SHROOM2: variants seen among roughly 807,000 people sequenced by gnomAD.
SHROOM2 encodes the protein protein Shroom2.
In SHROOM2, 33 loss-of-function variants were observed where a neutral mutation model predicts 75.9. The ratio of observed to expected loss-of-function variants is 0.43; its 90% confidence interval spans 0.33 to 0.58. The LOEUF is 0.58. Ranked by LOEUF, SHROOM2 falls within the 20% of genes least tolerant of loss-of-function variation. SHROOM2 has a pLI of 0.04. For synonymous variants in SHROOM2, 655 were observed against 663.6 expected (o/e 0.99, Z 0.20); for missense variants, 1,434 against 1,461.2 (o/e 0.98, Z 0.30).
chrX:9,874,009 A>G (rs755211227), intron 2 of SHROOM2, among the ~76,000 whole-genome samples: 41 of 112,375 alleles, frequency 3.6e-4, no homozygotes, highest in African/African-American at 1.1e-3. Flanking sequence ...TATAAATTTT[A>G]ATGTATTAAG....
At chrX:9,903,492 G>T (rs1441662810) in intron 5 of SHROOM2, among the ~76,000 whole-genome samples, 1 of 112,205 alleles carries the variant, frequency 8.9e-6, no homozygotes, top group Non-Finnish European at 1.9e-5. Flanking sequence ...ATAAACGGTA[G>T]CTGTAGGAGA....
chrX:9,797,788 G>A (rs755791148), intron 1 of SHROOM2, among the ~76,000 whole-genome samples: 3 of 111,883 alleles, frequency 2.7e-5, no homozygotes, highest in Non-Finnish European at 5.6e-5. Flanking sequence ...AGTCCTAGGT[G>A]GGGCTGGCCG....
In SHROOM2 at chrX:9,946,760, C is replaced by T. The variant is rs1410025367; in HGVS notation, c.4674C>T (p.Ile1558=). 5.0e-6 allele frequency: 6 copies of T among 1,203,823 alleles called. No individual in the cohort carries two copies. The African/African-American group carries it at 5.2e-5, about 10-fold the overall frequency. ...LKENLDRRER[I]VFDILANYLS... is the part of the protein sequence containing the mutation. ...AGAACCTGGACCGCCGCGAGCGCATCGTCTTTGACATTTTGGCCAACTATC... is the reference window on the plus strand; with the variant it reads ...AGAACCTGGACCGCCGCGAGCGCATTGTCTTTGACATTTTGGCCAACTATC... The change falls in exon 10 of 10, where the codon ATC becomes ATT. Residue 1558 remains isoleucine, a synonymous_variant. Transcript: ENST00000380913.
rs868096452 is a variant in SHROOM2, at chrX:9,895,676, C to G, written c.1768C>G (p.Leu590Val). The G allele has an allele frequency of 8.5e-7, 1 of 1,177,074 alleles. No homozygotes were observed. Among genetic ancestry groups the G allele is most frequent in the South Asian group, 1.9e-5 (1 of 53,874 alleles). The change falls in exon 4 of 10, where the codon CTG becomes GTG. Residue 590 changes from leucine (L) to valine (V), a missense_variant. Coordinates refer to ENST00000380913, the MANE Select transcript of SHROOM2 (RefSeq NM_001649.4). Reference protein sequence around the residue: ...CPQETPLLHSLTQEGKRRPES... With the variant: ...CPQETPLLHSVTQEGKRRPES... Reference sequence around the variant, plus strand: ...GCAGGAGACGCCCCTGTTGCACTCCCTGACCCAGGAGGGGAAGCGCCGGCC... The same window carrying G: ...GCAGGAGACGCCCCTGTTGCACTCCGTGACCCAGGAGGGGAAGCGCCGGCC...
In SHROOM2 at chrX:9,895,949, A is replaced by G. The variant is rs1340310616; in HGVS notation, c.2041A>G (p.Lys681Glu). The change falls in exon 4 of 10, where the codon AAA becomes GAA. Residue 681 changes from lysine (K) to glutamate (E), a missense_variant. This residue lies in a region of SHROOM2 where 1,340 missense variants were observed against 1,338.3 expected (regional missense o/e 1.00). Transcript: ENST00000380913. Reference sequence around the variant, plus strand: ...GGAAGGACCCCTCGCTGGCACCTATAAAGACCACCTGAAAGAGGCCCAAGC... The same window carrying G: ...GGAAGGACCCCTCGCTGGCACCTATGAAGACCACCTGAAAGAGGCCCAAGC... ...TQEGPLAGTY[K>E]DHLKEAQARV... is the part of the protein sequence containing the mutation. The G allele has an allele frequency of 2.5e-6, 3 of 1,197,627 alleles. No homozygotes were observed. In the Admixed American group the frequency reaches 6.8e-5, roughly 27 times the overall value.
chrX:9,804,587 G>C (rs1029312217), intron 1 of SHROOM2, among the ~76,000 whole-genome samples: 2 of 111,534 alleles, frequency 1.8e-5, no homozygotes, highest in Non-Finnish European at 3.8e-5. Flanking sequence ...CTCTGGAAAC[G>C]TGCCATCTGA....
chrX:9,936,100 C>CTT (rs199560073), intron 6 of SHROOM2, among the ~76,000 whole-genome samples: 15 of 108,940 alleles, frequency 1.4e-4, no homozygotes, highest in African/African-American at 5.2e-4. Flanking sequence ...CATCCAGAAA[C>CTT]TTTTCTTTTT....
At chrX:9,847,502 TA>T (rs1360202137) in intron 1 of SHROOM2, among the ~76,000 whole-genome samples, 5 of 111,784 alleles carry the variant, frequency 4.5e-5, no homozygotes, top group Non-Finnish European at 9.4e-5. Flanking sequence ...GACATAGTGT[TA>T]GGGGGATGTC....
intron 2 of SHROOM2, among the ~76,000 whole-genome samples, chrX:9,879,668 G>A (rs954867322): frequency 1.8e-5 from 2 of 112,652 alleles, no homozygotes; most frequent in African/African-American, 6.5e-5. Flanking sequence ...GCCTTAGTGT[G>A]TGGTTTAGCT....
intron 2 of SHROOM2, among the ~76,000 whole-genome samples, chrX:9,875,080 CAAAAAAAAAAAAAAAAA>C (rs375824306): frequency 4.9e-4 from 6 of 12,338 alleles, no homozygotes; most frequent in African/African-American, 1.2e-3. Flanking sequence ...GACCCTGTCT[CAAAAAAAAAAAAAAAAA>C]AAAAAAAAAA....
chrX:9,854,183 A>G (rs1368365674), intron 1 of SHROOM2, among the ~76,000 whole-genome samples: 2 of 112,978 alleles, frequency 1.8e-5, no homozygotes, highest in African/African-American at 6.4e-5. Context: ...GATTTAAGTT[A>G]GAGATTCTGC....
intron 5 of SHROOM2, among the ~76,000 whole-genome samples, chrX:9,921,267 C>T (rs947777724): frequency 5.4e-5 from 6 of 111,977 alleles, no homozygotes; most frequent in Admixed American, 1.9e-4. Flanking sequence ...AGTCACACAT[C>T]GGCACTTCTG....
At chrX:9,805,665 G>A (rs2083747335) in intron 1 of SHROOM2, among the ~76,000 whole-genome samples, 1 of 112,092 alleles carries the variant, frequency 8.9e-6, no homozygotes, top group South Asian at 3.7e-4. Context: ...TGATACTGGA[G>A]TTGGGTCTTC....
chrX:9,885,503 C>T (rs898397342), intron 2 of SHROOM2, among the ~76,000 whole-genome samples: 39 of 110,982 alleles, frequency 3.5e-4, no homozygotes, highest in Non-Finnish European at 1.3e-4. Context: ...CGGCTTGATC[C>T]CCAAATACAT....
At chrX:9,808,952 A>G (rs905612306) in intron 1 of SHROOM2, among the ~76,000 whole-genome samples, 9 of 110,513 alleles carry the variant, frequency 8.1e-5, no homozygotes, top group Non-Finnish European at 1.5e-4. Context: ...TTTTTTCTGT[A>G]TATTCACTGA....
intron 1 of SHROOM2, among the ~76,000 whole-genome samples, chrX:9,852,726 G>T (rs757133469): frequency 2.7e-5 from 3 of 112,948 alleles, no homozygotes; most frequent in Non-Finnish European, 5.6e-5. Flanking sequence ...CAATAAAAAT[G>T]ATGATTGTAA....
At chrX:9,883,242 CTT>C (rs1349552869) in intron 2 of SHROOM2, among the ~76,000 whole-genome samples, 1 of 112,265 alleles carries the variant, frequency 8.9e-6, no homozygotes, top group Non-Finnish European at 1.9e-5. Flanking sequence ...CCAGGAAAGT[CTT>C]TGCTGAGGAC....
intron 1 of SHROOM2, among the ~76,000 whole-genome samples, chrX:9,810,574 G>A (rs969920342): frequency 9.1e-6 from 1 of 110,343 alleles, no homozygotes. Flanking sequence ...TGGTGGCAGC[G>A]TTCCTCCCTC....
At chrX:9,809,367 G>A (rs2059409668) in intron 1 of SHROOM2, among the ~76,000 whole-genome samples, 1 of 110,892 alleles carries the variant, frequency 9.0e-6, no homozygotes, top group Non-Finnish European at 1.9e-5. Context: ...CCACCAGATT[G>A]AGGGCAGATC....
Sources: allele counts gnomAD v4.1 joint callset (sites outside exome capture counted in the v4.1 genomes callset), GRCh38; gene constraint gnomAD v4.1.1; regional missense constraint gnomAD v4.1.1; transcripts MANE v1.5; gene names NCBI Gene and HGNC (gene_info 2026-07-23, HGNC 2026-07-21).